ATP2B2: variants seen among roughly 807,000 people sequenced by gnomAD.
ATP2B2 encodes plasma membrane calcium-transporting ATPase 2.
In ATP2B2, 15 loss-of-function variants were observed where a neutral mutation model predicts 120.0. The observed-to-expected ratio is 0.12, with a 90% CI of 0.08 to 0.19. The LOEUF (loss-of-function observed/expected upper bound fraction) is 0.19, where lower values mean the gene tolerates loss of function less well. Among genes scored for constraint, ATP2B2 ranks in the 10% least tolerant of loss-of-function variants. The pLI is 1.00. For missense variants in ATP2B2, 1,045 were observed against 1,719.8 expected, an observed-to-expected ratio of 0.61 and a Z score of 6.94; for synonymous variants, 694 against 700.3, an observed-to-expected ratio of 0.99 and a Z score of 0.14.
intron 2 of ATP2B2, among the ~76,000 whole-genome samples, chr3:10,412,507 T>C (rs77881638): frequency 0.016 from 2,459 of 152,158 alleles, 30 homozygotes; most frequent in Admixed American, 0.019. Flanking sequence ...CCCCAGGCCT[T>C]TGCTCCTGCT....
chr3:10,493,768 T>C (rs1359149238), intron 1 of ATP2B2, among the ~76,000 whole-genome samples: 1 of 152,040 alleles, frequency 6.6e-6, no homozygotes, highest in Non-Finnish European at 1.5e-5. Flanking sequence ...ACACACTGGC[T>C]GGAGATCATG....
chr3:10,379,330 A>G lies in ATP2B2; in HGVS notation c.1001-46T>C, dbSNP rs779181467. The G allele has an allele frequency of 1.3e-5, 21 of 1,599,198 alleles. No individual in the cohort carries two copies. The South Asian group carries it at 1.8e-4, about 13-fold the overall frequency. On this transcript the variant is annotated intron_variant, in intron 8 of 22. Coordinates refer to ENST00000360273, the MANE Select transcript of ATP2B2 (RefSeq NM_001001331.4). ...ACAGACAACAGAGAACAGACAACAC[A>G]TGGTCGGTCATCACGAAGACGCAAC... is the stretch of plus-strand genomic sequence containing the variant.
At chr3:10,588,442 G>A (rs994839027) in intron 2 of ATP2B2, among the ~76,000 whole-genome samples, 1 of 152,184 alleles carries the variant, frequency 6.6e-6, no homozygotes, top group African/African-American at 2.4e-5. Context: ...CACATCCCTA[G>A]ATGCCTTCTG....
At chr3:10,581,169 C>A (rs2068380120) in intron 2 of ATP2B2, among the ~76,000 whole-genome samples, 1 of 152,242 alleles carries the variant, frequency 6.6e-6, no homozygotes, top group Non-Finnish European at 1.5e-5. Context: ...TTTGAATCCA[C>A]CATGCCATGT....
intron 1 of ATP2B2, among the ~76,000 whole-genome samples, chr3:10,638,302 T>C (rs1047170320): frequency 6.6e-6 from 1 of 152,002 alleles, no homozygotes; most frequent in African/African-American, 2.4e-5. Flanking sequence ...CAAAGAAGTA[T>C]GGTGTTTAAA....
chr3:10,657,691 A>G (rs2070672322), intron 1 of ATP2B2, among the ~76,000 whole-genome samples: 1 of 152,270 alleles, frequency 6.6e-6, no homozygotes. Flanking sequence ...GCCGAACAAA[A>G]GGCAGCAGAA....
At chr3:10,569,828 G>A (rs570049058) in intron 2 of ATP2B2, among the ~76,000 whole-genome samples, 1 of 152,292 alleles carries the variant, frequency 6.6e-6, no homozygotes, top group African/African-American at 2.4e-5. Context: ...AGCATAGACT[G>A]CTCTTTTTGG....
At chr3:10,705,600 C>T (rs1453734729) in intron 1 of ATP2B2, among the ~76,000 whole-genome samples, 2 of 152,236 alleles carry the variant, frequency 1.3e-5, no homozygotes, top group African/African-American at 4.8e-5. Flanking sequence ...TCTAGGGAAG[C>T]ATGGTAGCCC....
intron 2 of ATP2B2, among the ~76,000 whole-genome samples, chr3:10,430,203 T>G (rs1001117039): frequency 6.6e-6 from 1 of 152,242 alleles, no homozygotes; most frequent in African/African-American, 2.4e-5. Flanking sequence ...CAATATCTAT[T>G]CTGCAGCCCA....
intron 1 of ATP2B2, among the ~76,000 whole-genome samples, chr3:10,666,709 T>G (rs1205553236): frequency 1.3e-5 from 2 of 152,196 alleles, no homozygotes; most frequent in African/African-American, 2.4e-5. Context: ...TGAAGGAGGC[T>G]CAGTCCCTCC....
At chr3:10,353,772 A>G (rs2060640206) in intron 14 of ATP2B2, among the ~76,000 whole-genome samples, 2 of 152,124 alleles carry the variant, frequency 1.3e-5, no homozygotes, top group South Asian at 2.1e-4. Context: ...TACGGACCCT[A>G]TACTTTCTTC....
intron 2 of ATP2B2, among the ~76,000 whole-genome samples, chr3:10,614,571 G>C (rs1366348054): frequency 2.0e-5 from 3 of 152,168 alleles, no homozygotes; most frequent in Non-Finnish European, 2.9e-5. Context: ...GCAGTCTCGT[G>C]ACTTGGGTTT....
rs941343747 is a variant in ATP2B2, at chr3:10,668,406, C to G, written c.-460+39509G>C. 2.6e-5 allele frequency among the ~76,000 whole-genome samples: 4 copies of G among 152,206 alleles called. No homozygotes were observed. In the South Asian group the frequency reaches 8.3e-4, roughly 31 times the overall value. On this transcript the variant is annotated intron_variant, in intron 1 of 21. Transcript: ENST00000646379. ...GAGAAGTGAAATCCTGTGACTCTAC[C>G]AGGAATGACAACACCGGTAAAGAGA...
At chr3:10,639,675 G>A (rs1481616729) in intron 1 of ATP2B2, among the ~76,000 whole-genome samples, 1 of 152,212 alleles carries the variant, frequency 6.6e-6, no homozygotes, top group Non-Finnish European at 1.5e-5. Context: ...GTGACTGGGT[G>A]CGGAGTTGTT....
intron 1 of ATP2B2, among the ~76,000 whole-genome samples, 179 bp from the exon 2 acceptor site, chr3:10,450,041 C>T (rs538244553): frequency 1.8e-4 from 28 of 152,262 alleles, no homozygotes; most frequent in Non-Finnish European, 3.5e-4. Flanking sequence ...CCCAGGCACT[C>T]CACGATATGC....
chr3:10,380,847 CCTTCATCATAATCA>C (rs1434303645), intron 8 of ATP2B2, among the ~76,000 whole-genome samples: 1 of 152,232 alleles, frequency 6.6e-6, no homozygotes, highest in Non-Finnish European at 1.5e-5. Flanking sequence ...GTCCCAGTTA[CCTTCATCATAATCA>C]CTTGCACGGT....
chr3:10,332,422 G>A (rs1042981620), intron 22 of ATP2B2: 4 of 213,744 alleles, frequency 1.9e-5, no homozygotes, highest in African/African-American at 2.2e-5. Context: ...AAGATGGTTT[G>A]AGATGAGTTA....
Position 10,388,537 on chromosome 3 carries a change from T to C in ATP2B2, c.782-135A>G. 4 of 1,320,838 alleles carry C rather than the reference T, an allele frequency of 3.0e-6. No homozygotes were observed. In the South Asian group the frequency reaches 3.7e-5, roughly 12 times the overall value. The allele number at this position is 1,320,838 out of a possible 1,614,324, so 81.8% of individuals were successfully genotyped here. ...CATGGGGCATCACCTATGGTTAAGA[T>C]TCACACTGTGTGTGTGGTGGGCTCT... On this transcript the variant is annotated intron_variant, in intron 5 of 22. Transcript: ENST00000360273.
intron 1 of ATP2B2, among the ~76,000 whole-genome samples, chr3:10,695,226 G>A (rs559264603): frequency 4.2e-5 from 6 of 143,032 alleles, no homozygotes; most frequent in Non-Finnish European, 7.5e-5. Context: ...TTACATGGAT[G>A]GTAGCAGGCA....
Sources: allele counts gnomAD v4.1 joint callset (sites outside exome capture counted in the v4.1 genomes callset), GRCh38; gene constraint gnomAD v4.1.1; transcripts MANE v1.5; gene names NCBI Gene and HGNC (gene_info 2026-07-23, HGNC 2026-07-21).